Variants in SMC5 observed in about 807,000 individuals in gnomAD.
SMC5 encodes the protein structural maintenance of chromosomes protein 5.
Under a neutral mutation model 148.3 loss-of-function variants are expected in SMC5, and 88 were observed. That is an observed-to-expected ratio of 0.59 (90% CI 0.50 to 0.71). The LOEUF (loss-of-function observed/expected upper bound fraction) is 0.71. Ranked by LOEUF, SMC5 falls within the 30% of genes least tolerant of loss-of-function variation. The pLI, the probability that SMC5 is intolerant of heterozygous loss-of-function variation, is 0.00. For synonymous variants in SMC5, 421 were observed against 432.8 expected (o/e 0.97, Z 0.34); for missense variants, 1,142 against 1,298.9 (o/e 0.88, Z 1.86).
chr9:70,327,551 A>T (rs2036112074), intron 17 of SMC5, among the ~76,000 whole-genome samples: 2 of 152,172 alleles, frequency 1.3e-5, no homozygotes, highest in African/African-American at 4.8e-5. Flanking sequence ...GCTTTGGAGG[A>T]TACTGGGGAA....
intron 3 of SMC5, among the ~76,000 whole-genome samples, chr9:70,276,030 C>G (rs2118107544): frequency 6.6e-6 from 1 of 152,270 alleles, no homozygotes; most frequent in African/African-American, 2.4e-5. Flanking sequence ...CTTCTTAGAA[C>G]TTTATCTGTG....
chr9:70,275,239 G>A (rs917688757), intron 3 of SMC5, among the ~76,000 whole-genome samples: 1 of 151,888 alleles, frequency 6.6e-6, no homozygotes. Context: ...TTTTGTTTTT[G>A]TTTTTGTTTT....
Position 70,286,184 on chromosome 9 carries a change from C to CT in SMC5, c.982-16_982-15insT. 1 of 1,501,106 alleles carries CT rather than the reference C, an allele frequency of 6.7e-7. No homozygotes were observed. Among genetic ancestry groups the CT allele is most frequent in the Non-Finnish European group, 9.2e-7 (1 of 1,087,038 alleles). 93.0% of individuals were successfully genotyped at this position (1,501,106 alleles called of 1,614,324 possible). ...TTAACTAGCTGTCCCCCCCTCTCCC[C>CT]GGTTTAATTTTACAGGCAACAGATA... On this transcript the variant is annotated splice_polypyrimidine_tract_variant and intron_variant, in intron 7 of 24. Transcript: ENST00000361138.
chr9:70,346,600 T>A lies in SMC5; in HGVS notation c.2524-5T>A. On this transcript the variant is annotated splice_polypyrimidine_tract_variant and splice_region_variant and intron_variant, in intron 18 of 24. Transcript: ENST00000361138. ...ACATATTCTGGACCCATTCTACCAA[T>A]TCAGCAAGTACCCACCATTCCAAAT... The A allele has an allele frequency of 2.5e-6, 4 of 1,613,896 alleles. No individual in the cohort carries two copies.
chr9:70,296,974 G>C (rs1280700841), intron 8 of SMC5, among the ~76,000 whole-genome samples: 3 of 152,164 alleles, frequency 2.0e-5, no homozygotes, highest in African/African-American at 4.8e-5. Context: ...ATATTAGTCT[G>C]AAGTATTGGT....
In SMC5 at chr9:70,288,487, C is replaced by G. The variant is rs1006467199; in HGVS notation, c.1053+2216C>G. 3.3e-5 allele frequency among the ~76,000 whole-genome samples: 5 copies of G among 151,936 alleles called. No individual in the cohort carries two copies. In the East Asian group the frequency reaches 7.7e-4, roughly 24 times the overall value. On this transcript the variant is annotated intron_variant, in intron 8 of 24. Transcript: ENST00000361138. ...TTTGTTGACTATTTAATAATTTCCT[C>G]TTTCTTAATTCATTTTTCTGCTTTG...
intron 17 of SMC5, among the ~76,000 whole-genome samples, chr9:70,327,066 G>A (rs1019643126): frequency 2.0e-5 from 3 of 151,964 alleles, no homozygotes; most frequent in Admixed American, 1.3e-4. Context: ...TGTAAATATC[G>A]GAATGAACTC....
chr9:70,297,894 T>C, intron 8 of SMC5, 72 bp from the exon 9 acceptor site: 1 of 1,506,426 alleles, frequency 6.6e-7, no homozygotes, highest in Non-Finnish European at 8.9e-7. Context: ...TGTTAAAAAC[T>C]ATATTACTAC....
In SMC5 at chr9:70,264,403, T is replaced by C. The variant is rs754381334; in HGVS notation, c.285T>C (p.Leu95=). Residue 95 remains leucine, a synonymous_variant, in exon 2 of 25, where the codon CTT becomes CTC. Coordinates refer to ENST00000361138, the MANE Select transcript of SMC5 (RefSeq NM_015110.4). ...GKSSIVCAIC[L]GLAGKPAFMG... is the part of the protein sequence containing the mutation. ...CGAGCATTGTGTGTGCCATTTGCCT[T>C]GGTTTAGCTGGAAAACCTGCTTTCA... The C allele has an allele frequency of 6.2e-7, 1 of 1,614,098 alleles. No homozygotes were observed. The highest frequency in any genetic ancestry group is 1.7e-5 in the Admixed American group (1 of 60,034).
intron 17 of SMC5, among the ~76,000 whole-genome samples, chr9:70,327,900 G>C (rs1167135571): frequency 6.6e-6 from 1 of 152,122 alleles, no homozygotes; most frequent in African/African-American, 2.4e-5. Context: ...AGGAAGCGTG[G>C]CTGGGAGACC....
chr9:70,266,213 G>A (rs2034287798), intron 2 of SMC5, among the ~76,000 whole-genome samples: 1 of 151,900 alleles, frequency 6.6e-6, no homozygotes, highest in African/African-American at 2.4e-5. Context: ...TTACAAAATG[G>A]AAGCAAATTC....
intron 8 of SMC5, among the ~76,000 whole-genome samples, chr9:70,294,260 A>C (rs1221338108): frequency 6.6e-6 from 1 of 152,184 alleles, no homozygotes. Flanking sequence ...GAAAGATAGC[A>C]CAAGTTTATT....
intron 5 of SMC5, among the ~76,000 whole-genome samples, chr9:70,278,893 T>C (rs2034670670): frequency 6.6e-6 from 1 of 152,198 alleles, no homozygotes; most frequent in Non-Finnish European, 1.5e-5. Flanking sequence ...AAAAAAATTA[T>C]CTCAGGAAGT....
intron 17 of SMC5, among the ~76,000 whole-genome samples, chr9:70,332,758 C>T (rs760903175): frequency 2.6e-5 from 4 of 152,066 alleles, no homozygotes; most frequent in Non-Finnish European, 4.4e-5. Context: ...TAGGTTTTAT[C>T]TCAGATGTAT....
intron 8 of SMC5, among the ~76,000 whole-genome samples, chr9:70,293,307 A>G (rs954060733): frequency 6.6e-6 from 1 of 151,912 alleles, no homozygotes; most frequent in Non-Finnish European, 1.5e-5. Flanking sequence ...ACCCTATTTC[A>G]TTCCTGATAC....
chr9:70,314,141 T>A (rs760398796), intron 11 of SMC5, among the ~76,000 whole-genome samples: 2 of 152,140 alleles, frequency 1.3e-5, no homozygotes, highest in Non-Finnish European at 2.9e-5. Flanking sequence ...ATTTACCCTC[T>A]CAGTTTACAG....
chr9:70,348,554 G>A (rs904784567), intron 22 of SMC5, among the ~76,000 whole-genome samples: 4 of 151,376 alleles, frequency 2.6e-5, no homozygotes, highest in Admixed American at 6.6e-5. Flanking sequence ...AGCTGGGTGC[G>A]GTGGTATGTA....
In SMC5 at chr9:70,259,191, A is replaced by G; in HGVS notation, c.113A>G (p.Gln38Arg). 1.2e-6 allele frequency: 2 copies of G among 1,608,928 alleles called. No homozygotes were observed. Among genetic ancestry groups the G allele is most frequent in the Non-Finnish European group, 8.5e-7 (1 of 1,177,716 alleles). The change falls in exon 1 of 25, where the codon CAG becomes CGG. Residue 38 changes from glutamine (Q) to arginine (R), a missense_variant. Gln to Arg is a conservative substitution (Grantham distance 43). Transcript: ENST00000361138. ...VPSKRKNSAP[Q>R]LPLLQSSGPF... is the part of the protein sequence containing the mutation. The stretch of plus-strand genomic sequence containing the variant: ...AGCAAGAGGAAGAATTCGGCCCCGC[A>G]GCTGCCGCTGTTGCAGTCGTCCGGG...
Position 70,352,407 on chromosome 9 carries a change from G to C in SMC5, c.*76G>C. 1 of 1,387,574 alleles carries C rather than the reference G, an allele frequency of 7.2e-7. No individual in the cohort carries two copies. Among genetic ancestry groups the C allele is most frequent in the South Asian group, 1.6e-5 (1 of 63,564 alleles). 86.0% of individuals were successfully genotyped at this position (1,387,574 alleles called of 1,614,324 possible). On this transcript the variant is annotated 3_prime_UTR_variant, in exon 25 of 25. Coordinates refer to ENST00000361138, the MANE Select transcript of SMC5 (RefSeq NM_015110.4). ...TAAGTATGGCTCAACTGAATAAAAG[G>C]AGATTCACTAAAACGAAAAGCAGTT...
Sources: gnomAD v4.1 joint callset for allele counts (sites outside exome capture counted in the v4.1 genomes callset) on GRCh38, gnomAD v4.1.1 for gene constraint, MANE v1.5 for transcripts, NCBI Gene and HGNC (gene_info 2026-07-23, HGNC 2026-07-21) for gene names.